ITGB5: variants seen among roughly 807,000 people sequenced by gnomAD.
The protein encoded by ITGB5 is integrin beta-5.
Under a neutral mutation model 84.8 loss-of-function variants are expected in ITGB5, and 38 were observed. That is an observed-to-expected ratio of 0.45 (90% confidence interval 0.35 to 0.59). The LOEUF (loss-of-function observed/expected upper bound fraction) is 0.59, where lower values mean the gene tolerates loss of function less well. Ranked by LOEUF, ITGB5 falls within the 20% of genes least tolerant of loss-of-function variation. ITGB5 has a pLI of 0.01. For missense variants in ITGB5, 905 were observed against 1,034.5 expected (o/e 0.87, Z 1.72); for synonymous variants, 393 against 414.4 (o/e 0.95, Z 0.63).
At chr3:124,890,441 A>G (rs1392586243), upstream of ITGB5, among the ~76,000 whole-genome samples, 1 of 151,860 alleles carries the variant, frequency 6.6e-6, no homozygotes, top group East Asian at 1.9e-4. Context: ...TCCTGACCTC[A>G]TGATCCGCCC....
intron 1 of ITGB5, among the ~76,000 whole-genome samples, chr3:124,883,155 G>A (rs1021893593): frequency 1.1e-4 from 17 of 152,192 alleles, no homozygotes; most frequent in Admixed American, 2.6e-4. Context: ...TATTATTTAA[G>A]TAGTTTGTAA....
upstream of ITGB5, among the ~76,000 whole-genome samples, chr3:124,889,397 G>A (rs953973718): frequency 1.3e-5 from 2 of 152,120 alleles, no homozygotes; most frequent in Non-Finnish European, 1.5e-5. Flanking sequence ...ACCAATGTAC[G>A]TCTTACACAT....
At chr3:124,783,581 C>T (rs1388540826) in intron 10 of ITGB5, among the ~76,000 whole-genome samples, 1 of 152,184 alleles carries the variant, frequency 6.6e-6, no homozygotes, top group African/African-American at 2.4e-5. Context: ...CAGGACAAAC[C>T]TCAAACCCTG....
Position 124,819,808 on chromosome 3 carries a change from T to C in ITGB5, c.969A>G (p.Gly323=). ...TGATGTTGTTCTCTGCCAATTTCTC[T>C]CCAAGCAAGGCAAGGGATGGATAGT... ...QMDYPSLALL[G]EKLAENNINL... The change falls in exon 7 of 15, where the codon GGA becomes GGG. Residue 323 remains glycine, a synonymous_variant. Transcript: ENST00000296181. 2 of 1,613,990 alleles carry C rather than the reference T, an allele frequency of 1.2e-6. No homozygotes were observed. Among genetic ancestry groups the C allele is most frequent in the Non-Finnish European group, 1.7e-6 (2 of 1,179,908 alleles).
intron 3 of ITGB5, among the ~76,000 whole-genome samples, chr3:124,851,643 G>A (rs545775054): frequency 0.035 from 3,486 of 100,912 alleles, 75 homozygotes; most frequent in South Asian, 0.072. Context: ...ACACACACAC[G>A]CACACATCCC....
At chr3:124,787,925 T>TTTTTTG (rs2064104615) in intron 10 of ITGB5, among the ~76,000 whole-genome samples, 1 of 151,458 alleles carries the variant, frequency 6.6e-6, no homozygotes, top group Non-Finnish European at 1.5e-5. Flanking sequence ...TTTTTTTTTT[T>TTTTTTG]GAGATAGGGT....
intron 9 of ITGB5, among the ~76,000 whole-genome samples, chr3:124,806,857 C>T (rs1252850771): frequency 2.6e-5 from 4 of 151,328 alleles, no homozygotes; most frequent in Admixed American, 2.0e-4. Context: ...AACATAAATA[C>T]ATTGCAACTT....
chr3:124,892,445 G>A (rs1935019062), upstream of ITGB5, among the ~76,000 whole-genome samples: 2 of 151,146 alleles, frequency 1.3e-5, no homozygotes, highest in South Asian at 4.2e-4. Flanking sequence ...AGCACTTTGG[G>A]AGGAAGGGGG....
At chr3:124,830,870 G>C (rs1383810136) in intron 5 of ITGB5, among the ~76,000 whole-genome samples, 1 of 152,106 alleles carries the variant, frequency 6.6e-6, no homozygotes, top group African/African-American at 2.4e-5. Flanking sequence ...TGTAATCCTA[G>C]CTACTTGGGA....
chr3:124,783,858 T>C (rs1465083964), intron 10 of ITGB5, among the ~76,000 whole-genome samples: 3 of 152,174 alleles, frequency 2.0e-5, no homozygotes, highest in Non-Finnish European at 4.4e-5. Context: ...TCTTTAGAGA[T>C]ACAAACAATG....
At chr3:124,777,774 C>T (rs189135468) in intron 10 of ITGB5, among the ~76,000 whole-genome samples, 109 of 152,326 alleles carry the variant, frequency 7.2e-4, no homozygotes, top group African/African-American at 2.5e-3. Flanking sequence ...CTTCAGAAAG[C>T]GTGACCCACA....
intron 5 of ITGB5, among the ~76,000 whole-genome samples, chr3:124,839,645 T>C (rs1053697425): frequency 2.0e-5 from 3 of 152,212 alleles, no homozygotes; most frequent in Non-Finnish European, 4.4e-5. Flanking sequence ...AGAAGCAGAA[T>C]TTGGCTGAAT....
chr3:124,880,891 T>G lies in ITGB5; in HGVS notation c.70+6040A>C, dbSNP rs903483383. Among the ~76,000 whole-genome samples the G allele has an allele frequency of 8.6e-5, 13 of 151,704 alleles. No individual in the cohort carries two copies. The East Asian group carries it at 2.5e-3, about 30-fold the overall frequency. On this transcript the variant is annotated intron_variant, in intron 1 of 14. Transcript: ENST00000296181. Reference sequence around the variant, plus strand: ...TTGCAGTGAGTCAAGATCACACCACTGTACTCCAGCCTGGGCAACAGAGTG... The same window carrying G: ...TTGCAGTGAGTCAAGATCACACCACGGTACTCCAGCCTGGGCAACAGAGTG...
At chr3:124,875,831 G>A (rs1934284894) in intron 1 of ITGB5, among the ~76,000 whole-genome samples, 1 of 152,156 alleles carries the variant, frequency 6.6e-6, no homozygotes, top group Non-Finnish European at 1.5e-5. Context: ...TTAAAAAATT[G>A]AGAAAATCCT....
chr3:124,767,580 A>G (rs1375850245), intron 12 of ITGB5, among the ~76,000 whole-genome samples: 4 of 152,128 alleles, frequency 2.6e-5, no homozygotes, highest in Admixed American at 2.6e-4. Flanking sequence ...GTGCCTAGTT[A>G]GGGGCAACCA....
At chr3:124,843,289 C>G (rs775208271) in intron 4 of ITGB5, among the ~76,000 whole-genome samples, 2 of 152,224 alleles carry the variant, frequency 1.3e-5, no homozygotes, top group East Asian at 3.8e-4. Flanking sequence ...CTCTCCCCCT[C>G]TCTCTTCCTC....
chr3:124,882,317 G>A (rs963732004), intron 1 of ITGB5, among the ~76,000 whole-genome samples: 8 of 152,196 alleles, frequency 5.3e-5, no homozygotes, highest in Admixed American at 2.6e-4. Context: ...GAGTGCTAAG[G>A]ACAAAAATTA....
intron 8 of ITGB5, among the ~76,000 whole-genome samples, chr3:124,812,995 G>C (rs1482445354): frequency 6.6e-6 from 1 of 152,096 alleles, no homozygotes; most frequent in Non-Finnish European, 1.5e-5. Context: ...CAAACCACTC[G>C]GACGGTGAGG....
intron 9 of ITGB5, among the ~76,000 whole-genome samples, chr3:124,799,574 A>AT (rs1230063662): frequency 6.2e-4 from 94 of 152,316 alleles, no homozygotes; most frequent in Non-Finnish European, 4.4e-5. Flanking sequence ...AGAAAAAAAA[A>AT]GCAAAACAAA....
Sources: allele counts gnomAD v4.1 joint callset (sites outside exome capture counted in the v4.1 genomes callset), GRCh38; gene constraint gnomAD v4.1.1; transcripts MANE v1.5; gene names NCBI Gene and HGNC (gene_info 2026-07-23, HGNC 2026-07-21).